Variants in KLHL6 observed in about 807,000 individuals in gnomAD.
The protein encoded by KLHL6 is kelch like family member 6, also known as kelch-like protein 6.
A neutral mutation model predicts 58.6 loss-of-function variants in KLHL6; 41 were observed. The observed-to-expected ratio is 0.70, with a 90% CI of 0.55 to 0.91. The LOEUF (loss-of-function observed/expected upper bound fraction) is 0.91, where lower values mean the gene tolerates loss of function less well. KLHL6 is among the 40% of genes least tolerant of loss of function. The pLI, the probability that KLHL6 is intolerant of heterozygous loss-of-function variation, is 0.00. For missense variants in KLHL6, 714 were observed against 805.6 expected, an observed-to-expected ratio of 0.89 and a Z score of 1.38; for synonymous variants, 338 against 322.7, an observed-to-expected ratio of 1.05 and a Z score of -0.51.
intron 1 of KLHL6, among the ~76,000 whole-genome samples, chr3:183,536,339 A>G (rs1245345527): frequency 2.0e-5 from 3 of 152,200 alleles, no homozygotes; most frequent in Admixed American, 6.5e-5. Flanking sequence ...CTCTGACCAC[A>G]CTGACTGTCT....
intron 1 of KLHL6, among the ~76,000 whole-genome samples, chr3:183,538,639 C>A (rs1461314954): frequency 6.6e-6 from 1 of 152,142 alleles, no homozygotes; most frequent in Non-Finnish European, 1.5e-5. Flanking sequence ...GATATAAACA[C>A]AATGAAGTCA....
rs1181901599 is a variant in KLHL6, at chr3:183,518,596, C to T, written c.459+9249G>A. 3.3e-5 allele frequency among the ~76,000 whole-genome samples: 5 copies of T among 152,234 alleles called. No individual in the cohort carries two copies. The South Asian group carries it at 8.3e-4, about 25-fold the overall frequency. ...TATTTTACAACCTATAGGCAGCAAC[C>T]GAGCACAGGCTTACTCAGGGAAGGG... On this transcript the variant is annotated intron_variant, in intron 2 of 6. Coordinates refer to ENST00000341319, the MANE Select transcript of KLHL6 (RefSeq NM_130446.4).
chr3:183,527,478 A>C (rs914112850), intron 2 of KLHL6, among the ~76,000 whole-genome samples: 5 of 152,210 alleles, frequency 3.3e-5, no homozygotes, highest in Non-Finnish European at 7.3e-5. Context: ...ACCAGGAGAC[A>C]TCAGTAACCC....
chr3:183,520,212 T>C (rs923591542), intron 2 of KLHL6: 1 of 151,952 alleles, frequency 6.6e-6, no homozygotes, highest in Admixed American at 6.6e-5. Flanking sequence ...CTGGAAGCAC[T>C]TTAAGAAGTG....
At chr3:183,510,693 G>A (rs1718157308) in intron 2 of KLHL6, among the ~76,000 whole-genome samples, 1 of 152,048 alleles carries the variant, frequency 6.6e-6, no homozygotes, top group Admixed American at 6.6e-5. Flanking sequence ...TGACCAACAT[G>A]GAGATACCCC....
chr3:183,555,419 C>A lies in KLHL6; in HGVS notation c.235G>T (p.Asp79Tyr), dbSNP rs1349290523. 2 of 1,614,124 alleles carry A rather than the reference C, an allele frequency of 1.2e-6. No individual in the cohort carries two copies. The highest frequency in any genetic ancestry group is 8.5e-7 in the Non-Finnish European group (1 of 1,180,010). ...CGGTGGCAGGAGAATTCCTGAATGT[C>A]CACACACAAGATGACATCTGTCAGA... is the stretch of plus-strand genomic sequence containing the variant. ...NALTDVILCV[D>Y]IQEFSCHRVV... The change falls in exon 1 of 7, where the codon GAC (aspartate) becomes TAC (tyrosine). Residue 79 changes from aspartate to tyrosine, a missense_variant. Coordinates refer to ENST00000341319, the MANE Select transcript of KLHL6 (RefSeq NM_130446.4).
chr3:183,494,353 C>T, intron 4 of KLHL6, 72 bp from the exon 5 acceptor site: 2 of 1,352,760 alleles, frequency 1.5e-6, no homozygotes, highest in Non-Finnish European at 1.0e-6. Flanking sequence ...TAATATCCCA[C>T]ATGTCCAAAA....
At chr3:183,495,149 C>G (rs1457628842) in intron 4 of KLHL6, among the ~76,000 whole-genome samples, 1 of 152,198 alleles carries the variant, frequency 6.6e-6, no homozygotes, top group Non-Finnish European at 1.5e-5. Flanking sequence ...CATTCTGTGT[C>G]AGGGGTGTTT....
At chr3:183,515,457 A>G (rs1428228670) in intron 2 of KLHL6, among the ~76,000 whole-genome samples, 1 of 152,108 alleles carries the variant, frequency 6.6e-6, no homozygotes, top group African/African-American at 2.4e-5. Context: ...CTGAGGAGGG[A>G]GGATTGCTTG....
chr3:183,531,246 G>A (rs1476272758), intron 1 of KLHL6, among the ~76,000 whole-genome samples: 3 of 151,932 alleles, frequency 2.0e-5, no homozygotes, highest in Middle Eastern at 3.2e-3. Flanking sequence ...CCTGGGAGTC[G>A]GGGGAGGGGT....
At chr3:183,518,953 A>G (rs1711647396) in intron 2 of KLHL6, among the ~76,000 whole-genome samples, 1 of 152,186 alleles carries the variant, frequency 6.6e-6, no homozygotes, top group Admixed American at 6.5e-5. Context: ...CTTGCTTCCC[A>G]TCCCAGGCCA....
At chr3:183,527,354 A>G (rs936784882) in intron 2 of KLHL6, among the ~76,000 whole-genome samples, 1 of 152,214 alleles carries the variant, frequency 6.6e-6, no homozygotes, top group Non-Finnish European at 1.5e-5. Flanking sequence ...TGAAACATAC[A>G]TTACAAAAGA....
chr3:183,550,931 T>C (rs1033150916), intron 1 of KLHL6, among the ~76,000 whole-genome samples: 1 of 152,012 alleles, frequency 6.6e-6, no homozygotes, highest in African/African-American at 2.4e-5. Context: ...CTATCCTGGC[T>C]AACATGGTGA....
At chr3:183,520,870 A>G (rs1310705899) in intron 2 of KLHL6, 1 of 151,368 alleles carries the variant, frequency 6.6e-6, no homozygotes, top group African/African-American at 2.4e-5. Flanking sequence ...TCTTATCTCA[A>G]CTGCAAAGAG....
chr3:183,525,050 G>T (rs921482009), intron 2 of KLHL6, among the ~76,000 whole-genome samples: 17 of 152,228 alleles, frequency 1.1e-4, no homozygotes, highest in East Asian at 3.9e-4. Flanking sequence ...TGGATCACAA[G>T]GTCAGGAGTT....
chr3:183,540,097 C>T (rs902931742), intron 1 of KLHL6, among the ~76,000 whole-genome samples: 4 of 152,166 alleles, frequency 2.6e-5, no homozygotes, highest in African/African-American at 4.8e-5. Flanking sequence ...AACACCCCAC[C>T]GTCCAAGCCC....
intron 1 of KLHL6, among the ~76,000 whole-genome samples, chr3:183,547,173 A>C (rs1353603498): frequency 1.3e-5 from 2 of 152,194 alleles, no homozygotes; most frequent in Non-Finnish European, 2.9e-5. Context: ...TCAGCCTCCC[A>C]AAGTGCTGGG....
chr3:183,498,561 C>T (rs1431993984), intron 4 of KLHL6, among the ~76,000 whole-genome samples: 1 of 152,194 alleles, frequency 6.6e-6, no homozygotes, highest in Non-Finnish European at 1.5e-5. Context: ...GAGTATCTCT[C>T]TGAGCCTCTG....
At chr3:183,529,000 A>G (rs1712070846) in intron 1 of KLHL6, among the ~76,000 whole-genome samples, 1 of 152,226 alleles carries the variant, frequency 6.6e-6, no homozygotes, top group African/African-American at 2.4e-5. Context: ...CTTTGCAGGG[A>G]CATGGAAGGA....
Sources: allele counts gnomAD v4.1 joint callset (sites outside exome capture counted in the v4.1 genomes callset), GRCh38; gene constraint gnomAD v4.1.1; transcripts MANE v1.5; gene names NCBI Gene and HGNC (gene_info 2026-07-23, HGNC 2026-07-21).